The following KIRREL3 variants were observed in gnomAD, a reference collection of about 807,000 sequenced individuals.
The protein encoded by KIRREL3 is kirre like nephrin family adhesion molecule 3.
Under a neutral mutation model 89.7 loss-of-function variants are expected in KIRREL3, and 36 were observed. The observed-to-expected ratio is 0.40, with a 90% CI of 0.31 to 0.53. The LOEUF (loss-of-function observed/expected upper bound fraction) is 0.53, where lower values mean the gene tolerates loss of function less well. KIRREL3 is among the 20% of genes least tolerant of loss of function. KIRREL3 has a pLI of 0.49. For missense variants in KIRREL3, 864 were observed against 1,056.6 expected (o/e 0.82, Z 2.53); for synonymous variants, 445 against 441.4 (o/e 1.01, Z -0.10).
chr11:126,634,121 G>A (rs12285703), intron 1 of KIRREL3, among the ~76,000 whole-genome samples: 3,587 of 152,252 alleles, frequency 0.024, 40 homozygotes, highest in Middle Eastern at 0.088. Context: ...CTTTTTCTGG[G>A]GTGATCCAGT....
At position 126,834,357 on chromosome 11, in the gene KIRREL3, C is replaced by T. The variant is rs1038975727; in HGVS notation, c.55+166098G>A. On this transcript the variant is annotated intron_variant, in intron 1 of 16. Coordinates refer to ENST00000525144, the MANE Select transcript of KIRREL3 (RefSeq NM_032531.4). ...TCAGAGCTAGGCTGAAACTATTAAT[C>T]GGTATCGTGGTTAACATCTTATCCA... Among the ~76,000 whole-genome samples the T allele has an allele frequency of 4.6e-5, 7 of 152,248 alleles. 1 individual carries two copies. The highest frequency in any genetic ancestry group is 7.4e-5 in the Non-Finnish European group (5 of 68,018).
chr11:126,520,846 T>G lies in KIRREL3; in HGVS notation c.433+469A>C, dbSNP rs1958562652. 1.3e-5 allele frequency among the ~76,000 whole-genome samples: 2 copies of G among 152,056 alleles called. No individual in the cohort carries two copies. The highest frequency in any genetic ancestry group is 2.9e-5 in the Non-Finnish European group (2 of 68,006). ...GTCACGGGGGTCACTGGTGTCCACA[T>G]GGATACTAGAATCATGGGGAGAATC... On this transcript the variant is annotated intron_variant, in intron 4 of 16. Transcript: ENST00000525144. The surrounding 1 kb of genome is among the most constrained non-coding windows in gnomAD (Gnocchi z 4.9).
chr11:126,885,536 T>C (rs903594948), intron 1 of KIRREL3, among the ~76,000 whole-genome samples: 1 of 152,246 alleles, frequency 6.6e-6, no homozygotes, highest in Non-Finnish European at 1.5e-5. Flanking sequence ...GTGAATACAA[T>C]GATCATATCA....
chr11:126,736,814 C>T lies in KIRREL3; in HGVS notation c.56-173902G>A, dbSNP rs536029571. ...TGCTAATGTCCATGGACAAAGGCTGCTGGGAATCACCATACATCCCCCACA... is the reference window on the plus strand; with the variant it reads ...TGCTAATGTCCATGGACAAAGGCTGTTGGGAATCACCATACATCCCCCACA... On this transcript the variant is annotated intron_variant, in intron 1 of 16. Transcript: ENST00000525144. This position sits in a 1 kb window ranked among gnomAD's most constrained non-coding sequence, Gnocchi z 5.0. Among the ~76,000 whole-genome samples the T allele has an allele frequency of 2.9e-4, 44 of 152,312 alleles. No homozygotes were observed. The highest frequency in any genetic ancestry group is 1.1e-3 in the Admixed American group (17 of 15,300).
rs1197720875 is a variant in KIRREL3 at position 126,925,106 on chromosome 11, G to GC, written c.55+75348_55+75349insG. Among the ~76,000 whole-genome samples the GC allele has an allele frequency of 5.4e-5, 8 of 148,828 alleles. No homozygotes were observed. In the East Asian group the frequency reaches 1.7e-3, roughly 31 times the overall value. On this transcript the variant is annotated intron_variant, in intron 1 of 16. Coordinates refer to ENST00000525144, the MANE Select transcript of KIRREL3 (RefSeq NM_032531.4). ...CTCACCATAAAAAGGTCGGGGGGGG[G>GC]GGGGGGCTGTTGGTCACAGGATTGT...
intron 1 of KIRREL3, among the ~76,000 whole-genome samples, chr11:126,573,497 G>T (rs1378482460): frequency 7.6e-6 from 1 of 132,434 alleles, no homozygotes; most frequent in Non-Finnish European, 1.6e-5. Flanking sequence ...AGGAGGGAAA[G>T]TAGGCGGTGG....
intron 1 of KIRREL3, among the ~76,000 whole-genome samples, chr11:126,721,101 A>G (rs187829486): frequency 5.1e-4 from 78 of 152,360 alleles, no homozygotes; most frequent in African/African-American, 1.8e-3. Context: ...AGACTGAATG[A>G]GAAACAACAT....
intron 1 of KIRREL3, among the ~76,000 whole-genome samples, chr11:126,927,394 C>T (rs1388354413): frequency 2.0e-5 from 3 of 152,234 alleles, no homozygotes; most frequent in Admixed American, 6.5e-5. Context: ...GTTATATATA[C>T]ACCATTCTAT....
rs960513888 is a variant in KIRREL3, at chr11:126,946,916, T to C, written c.55+53539A>G. ...GGCATTTGGTATCACCATACAGAGA[T>C]TGAATGTGCAGGCATTGAGTGGTTA... is the stretch of plus-strand genomic sequence containing the variant. On this transcript the variant is annotated intron_variant, in intron 1 of 16. Coordinates refer to ENST00000525144, the MANE Select transcript of KIRREL3 (RefSeq NM_032531.4). The surrounding 1 kb of genome is among the most constrained non-coding windows in gnomAD (Gnocchi z 4.1). Among the ~76,000 whole-genome samples, 6 of 152,186 alleles carry C rather than the reference T, an allele frequency of 3.9e-5. No homozygotes were observed. The highest frequency in any genetic ancestry group is 5.9e-5 in the Non-Finnish European group (4 of 68,030).
chr11:126,450,934 T>C (rs1044485961), intron 7 of KIRREL3, among the ~76,000 whole-genome samples: 21 of 149,992 alleles, frequency 1.4e-4, no homozygotes, highest in African/African-American at 5.2e-4. Flanking sequence ...TGTGTGCATG[T>C]GTGTGGGCGT....
At chr11:126,930,911 T>C (rs1216320724) in intron 1 of KIRREL3, among the ~76,000 whole-genome samples, 4 of 152,166 alleles carry the variant, frequency 2.6e-5, no homozygotes, top group South Asian at 4.1e-4. Flanking sequence ...CTGTACATGT[T>C]CCTCCTAGCT....
At chr11:126,488,704 C>T (rs1957430408) in intron 4 of KIRREL3, among the ~76,000 whole-genome samples, 1 of 152,250 alleles carries the variant, frequency 6.6e-6, no homozygotes, top group African/African-American at 2.4e-5. Context: ...ACCCTCCCAC[C>T]ACCCATGAGC....
rs1441151907 is a variant in KIRREL3 at position 126,812,694 on chromosome 11, G to A, written c.55+187761C>T. Reference sequence around the variant, plus strand: ...TTGTCCATACAGCACCACACTGGGCGTCAGGGTCCTTTTGTTGGGATGAGT... The same window carrying A: ...TTGTCCATACAGCACCACACTGGGCATCAGGGTCCTTTTGTTGGGATGAGT... On this transcript the variant is annotated intron_variant, in intron 1 of 16. Transcript: ENST00000525144. The surrounding 1 kb of genome is among the most constrained non-coding windows in gnomAD (Gnocchi z 5.2). 2.6e-5 allele frequency among the ~76,000 whole-genome samples: 4 copies of A among 152,198 alleles called. No homozygotes were observed. Among genetic ancestry groups the A allele is most frequent in the Non-Finnish European group, 4.4e-5 (3 of 68,030 alleles).
chr11:126,703,116 G>T lies in KIRREL3; in HGVS notation c.56-140204C>A, dbSNP rs748964382. Among the ~76,000 whole-genome samples the T allele has an allele frequency of 7.2e-5, 11 of 152,226 alleles. No homozygotes were observed. Among genetic ancestry groups the T allele is most frequent in the Non-Finnish European group, 1.3e-4 (9 of 68,044 alleles). ...TCTGGGCTGTGAATCCTGGTCAGGTGGGGGTGGCTGGGCTGGGGCAGGAGA... is the reference window on the plus strand; with the variant it reads ...TCTGGGCTGTGAATCCTGGTCAGGTTGGGGTGGCTGGGCTGGGGCAGGAGA... On this transcript the variant is annotated intron_variant, in intron 1 of 16. Transcript: ENST00000525144. This position sits in a 1 kb window ranked among gnomAD's most constrained non-coding sequence, Gnocchi z 4.6.
In KIRREL3 at chr11:126,724,503, A is replaced by G. The variant is rs1948301501; in HGVS notation, c.56-161591T>C. Reference sequence around the variant, plus strand: ...ATCAGCCCTCTCCAAACATCCAGGCAGGATCTGGGAGGGACTGCCCTTGAG... The same window carrying G: ...ATCAGCCCTCTCCAAACATCCAGGCGGGATCTGGGAGGGACTGCCCTTGAG... On this transcript the variant is annotated intron_variant, in intron 1 of 16. Coordinates refer to ENST00000525144, the MANE Select transcript of KIRREL3 (RefSeq NM_032531.4). This position sits in a 1 kb window ranked among gnomAD's most constrained non-coding sequence, Gnocchi z 4.3. Among the ~76,000 whole-genome samples, 1 of 152,198 alleles carries G rather than the reference A, an allele frequency of 6.6e-6. No homozygotes were observed. The highest frequency in any genetic ancestry group is 1.5e-5 in the Non-Finnish European group (1 of 68,026).
intron 1 of KIRREL3, among the ~76,000 whole-genome samples, chr11:126,621,618 T>A (rs1943577809): frequency 6.6e-6 from 1 of 152,240 alleles, no homozygotes; most frequent in African/African-American, 2.4e-5. Context: ...GGTTGAATCC[T>A]AATGTGCATT....
rs949056942 is a variant in KIRREL3, at chr11:126,948,091, T to C, written c.55+52364A>G. Among the ~76,000 whole-genome samples, 1 of 152,220 alleles carries C rather than the reference T, an allele frequency of 6.6e-6. No homozygotes were observed. The stretch of plus-strand genomic sequence containing the variant: ...AAATTGTTCATTAAAATACATATTA[T>C]TGGATGTTAAACTACCGTGTAATTG... On this transcript the variant is annotated intron_variant, in intron 1 of 16. Transcript: ENST00000525144. This position sits in a 1 kb window ranked among gnomAD's most constrained non-coding sequence, Gnocchi z 4.5.
chr11:126,922,290 C>T (rs554738335), intron 1 of KIRREL3, among the ~76,000 whole-genome samples: 2 of 152,088 alleles, frequency 1.3e-5, no homozygotes, highest in African/African-American at 4.8e-5. Flanking sequence ...TCCCTGTGTG[C>T]CTCTGTGGTC....
chr11:126,832,699 T>C (rs980478537), intron 1 of KIRREL3, among the ~76,000 whole-genome samples: 1 of 152,174 alleles, frequency 6.6e-6, no homozygotes, highest in East Asian at 1.9e-4. Flanking sequence ...ACTTGCACGC[T>C]GGGAATGTTT....
Sources: gnomAD v4.1 joint callset for allele counts (sites outside exome capture counted in the v4.1 genomes callset) on GRCh38, gnomAD v4.1.1 for gene constraint, Gnocchi (gnomAD v3.1) non-coding constraint, MANE v1.5 for transcripts, NCBI Gene and HGNC (gene_info 2026-07-23, HGNC 2026-07-21) for gene names.